NCALD: variants seen among roughly 807,000 people sequenced by gnomAD.
The protein encoded by NCALD is neurocalcin delta.
A neutral mutation model predicts 18.6 loss-of-function variants in NCALD; 10 were observed. The observed-to-expected ratio is 0.54, with a 90% confidence interval of 0.33 to 0.91. NCALD has a LOEUF of 0.91. Among genes scored for constraint, NCALD ranks in the 40% least tolerant of loss-of-function variants. The probability of loss-of-function intolerance (pLI) is 0.03; values close to 1 mark genes in which losing one functional copy is unlikely to be tolerated. For synonymous variants in NCALD, 88 were observed against 87.4 expected, an observed-to-expected ratio of 1.01 and a Z score of -0.04; for missense variants, 184 against 247.6, an observed-to-expected ratio of 0.74 and a Z score of 1.72.
chr8:101,705,896 CTAAA>C (rs1422113999), intron 2 of NCALD, among the ~76,000 whole-genome samples: 2 of 152,166 alleles, frequency 1.3e-5, no homozygotes, highest in African/African-American at 2.4e-5. Flanking sequence ...GATTCATGGG[CTAAA>C]TAAATGATTG....
intron 2 of NCALD, among the ~76,000 whole-genome samples, chr8:101,917,602 A>AAGAG (rs149087754): frequency 6.6e-6 from 1 of 151,708 alleles, no homozygotes; most frequent in Non-Finnish European, 1.5e-5. Flanking sequence ...TAACAAAAAA[A>AAGAG]AAGATACAAA....
At chr8:101,729,453 G>C (rs941936914) in intron 1 of NCALD, among the ~76,000 whole-genome samples, 1 of 152,156 alleles carries the variant, frequency 6.6e-6, no homozygotes, top group Non-Finnish European at 1.5e-5. Flanking sequence ...GGAATTGCCC[G>C]AAATATGTTA....
chr8:101,765,711 C>T (rs1811320386), intron 1 of NCALD, among the ~76,000 whole-genome samples: 1 of 152,216 alleles, frequency 6.6e-6, no homozygotes, highest in South Asian at 2.1e-4. Flanking sequence ...ACCGCAACAG[C>T]GAGCAGGTCA....
chr8:102,089,115 C>A (rs1403431001), intron 1 of NCALD, among the ~76,000 whole-genome samples: 1 of 152,184 alleles, frequency 6.6e-6, no homozygotes, highest in South Asian at 2.1e-4. Context: ...GGCAAATAGG[C>A]CGGGTGCAGT....
chr8:102,024,751 C>G (rs1435923898), intron 1 of NCALD, among the ~76,000 whole-genome samples: 2 of 152,182 alleles, frequency 1.3e-5, no homozygotes, highest in African/African-American at 4.8e-5. Context: ...CAGCCTTCAG[C>G]ATCTTCAAGT....
intron 2 of NCALD, among the ~76,000 whole-genome samples, chr8:101,694,989 C>G (rs116526203): frequency 9.1e-4 from 139 of 152,246 alleles, no homozygotes; most frequent in African/African-American, 3.1e-3. Context: ...TTGCTTTGCT[C>G]CCACAGTGGA....
chr8:101,871,981 G>T (rs914648094), intron 4 of NCALD: 3 of 809,796 alleles, frequency 3.7e-6, no homozygotes, highest in Non-Finnish European at 6.5e-6. Flanking sequence ...CTCATCTCTG[G>T]TCAGGTTCAT....
chr8:102,011,234 G>T (rs1231360273), intron 2 of NCALD, among the ~76,000 whole-genome samples: 1 of 152,030 alleles, frequency 6.6e-6, no homozygotes, highest in Non-Finnish European at 1.5e-5. Context: ...ATACACCTTG[G>T]TCTCCTTCCT....
intron 2 of NCALD, among the ~76,000 whole-genome samples, chr8:101,961,804 C>G (rs1440143753): frequency 6.6e-6 from 1 of 152,134 alleles, no homozygotes. Context: ...CATTTCCACT[C>G]TACCTCAACT....
chr8:101,930,645 C>G (rs1364757490), intron 2 of NCALD, among the ~76,000 whole-genome samples: 1 of 151,986 alleles, frequency 6.6e-6, no homozygotes, highest in African/African-American at 2.4e-5. Context: ...ATCTCCTGTT[C>G]CACACAACCC....
chr8:102,103,427 G>A (rs1825350932), intron 1 of NCALD, among the ~76,000 whole-genome samples: 1 of 152,174 alleles, frequency 6.6e-6, no homozygotes, highest in Non-Finnish European at 1.5e-5. Context: ...AAAACTATTA[G>A]AGATAAAGGC....
At chr8:101,915,983 T>C (rs1342279320) in intron 2 of NCALD, 2 of 152,134 alleles carry the variant, frequency 1.3e-5, no homozygotes, top group East Asian at 3.8e-4. Flanking sequence ...CATGACATGA[T>C]TTACTACTTG....
At chr8:101,950,455 C>G (rs1819369261) in intron 2 of NCALD, 1 of 152,228 alleles carries the variant, frequency 6.6e-6, no homozygotes, top group Admixed American at 6.5e-5. Flanking sequence ...AAGAGACCAT[C>G]AGACCCTCAG....
At chr8:101,769,200 G>A (rs1193244918) in intron 1 of NCALD, among the ~76,000 whole-genome samples, 1 of 152,172 alleles carries the variant, frequency 6.6e-6, no homozygotes, top group Non-Finnish European at 1.5e-5. Context: ...TCAATTTGTT[G>A]TTTTTAGGCC....
intron 2 of NCALD, among the ~76,000 whole-genome samples, chr8:101,926,039 T>C (rs1818325680): frequency 6.6e-6 from 1 of 152,202 alleles, no homozygotes; most frequent in Non-Finnish European, 1.5e-5. Context: ...CCCAGCTCCA[T>C]GTGGCTTTGG....
At chr8:101,984,361 A>C (rs1056340821) in intron 2 of NCALD, among the ~76,000 whole-genome samples, 1 of 152,244 alleles carries the variant, frequency 6.6e-6, no homozygotes, top group African/African-American at 2.4e-5. Context: ...CCAGTATAAC[A>C]ATATATATCA....
intron 2 of NCALD, among the ~76,000 whole-genome samples, chr8:102,002,347 C>A (rs926206247): frequency 5.9e-5 from 9 of 152,106 alleles, no homozygotes; most frequent in African/African-American, 2.2e-4. Flanking sequence ...TATATATGCA[C>A]CCAATACAGG....
At chr8:102,047,185 T>C (rs752891549) in intron 1 of NCALD, among the ~76,000 whole-genome samples, 5 of 152,208 alleles carry the variant, frequency 3.3e-5, no homozygotes, top group Non-Finnish European at 7.3e-5. Context: ...CCACGGTGTA[T>C]AGGTACTGCG....
intron 4 of NCALD, among the ~76,000 whole-genome samples, chr8:101,867,251 A>G (rs1815810573): frequency 6.6e-6 from 1 of 151,946 alleles, no homozygotes; most frequent in African/African-American, 2.4e-5. Context: ...CCTACCTTCA[A>G]TTTTCCTAGT....
Sources: allele counts gnomAD v4.1 joint callset (sites outside exome capture counted in the v4.1 genomes callset), GRCh38; gene constraint gnomAD v4.1.1; transcripts MANE v1.5; gene names NCBI Gene and HGNC (gene_info 2026-07-23, HGNC 2026-07-21).